The following FNIP1 variants were observed in gnomAD, a reference collection of about 807,000 sequenced individuals.
FNIP1 encodes the protein folliculin interacting protein 1, also known as folliculin-interacting protein 1.
FNIP1 carries 40 observed loss-of-function variants against 124.5 expected under a neutral mutation model. The ratio of observed to expected loss-of-function variants is 0.32; its 90% CI spans 0.25 to 0.42. The LOEUF is 0.42. FNIP1 is among the 10% of genes least tolerant of loss of function. FNIP1 has a pLI of 1.00. For missense variants in FNIP1, 1,176 were observed against 1,403.7 expected, an observed-to-expected ratio of 0.84 and a Z score of 2.59; for synonymous variants, 472 against 470.6, an observed-to-expected ratio of 1.00 and a Z score of -0.04.
At chr5:131,684,358 T>C (rs1437726435) in intron 11 of FNIP1, among the ~76,000 whole-genome samples, 6 of 152,200 alleles carry the variant, frequency 3.9e-5, no homozygotes, top group Non-Finnish European at 7.3e-5. Context: ...AGCAAGTGGG[T>C]GAATTCTAAA....
At chr5:131,645,907 T>C (rs1024661957) in intron 17 of FNIP1, among the ~76,000 whole-genome samples, 1 of 152,198 alleles carries the variant, frequency 6.6e-6, no homozygotes, top group Non-Finnish European at 1.5e-5. Context: ...TTAAATAATA[T>C]TCATTTAAAA....
At chr5:131,646,588 C>T (rs937803069) in intron 17 of FNIP1, among the ~76,000 whole-genome samples, 2 of 151,976 alleles carry the variant, frequency 1.3e-5, no homozygotes, top group South Asian at 2.1e-4. Flanking sequence ...CTATATTATG[C>T]CCCCCCTACC....
chr5:131,741,331 C>T (rs1457528412), intron 2 of FNIP1, among the ~76,000 whole-genome samples: 1 of 152,126 alleles, frequency 6.6e-6, no homozygotes, highest in Non-Finnish European at 1.5e-5. Context: ...AAGCTATACA[C>T]TGATTAACAA....
At chr5:131,679,557 A>G (rs1768010954) in intron 11 of FNIP1, among the ~76,000 whole-genome samples, 2 of 152,244 alleles carry the variant, frequency 1.3e-5, no homozygotes, top group African/African-American at 4.8e-5. Flanking sequence ...CTACATGTAC[A>G]AAAAGAAAAT....
intron 11 of FNIP1, among the ~76,000 whole-genome samples, chr5:131,693,349 T>TATATATAC (rs1768576491): frequency 2.4e-5 from 3 of 126,064 alleles, no homozygotes; most frequent in Non-Finnish European, 3.2e-5. Flanking sequence ...TATATATATA[T>TATATATAC]ATATATATAT....
At chr5:131,721,244 C>T (rs1367790378) in intron 3 of FNIP1, among the ~76,000 whole-genome samples, 1 of 151,846 alleles carries the variant, frequency 6.6e-6, no homozygotes, top group Non-Finnish European at 1.5e-5. Context: ...ATAAATACTG[C>T]ATGATAAGAT....
chr5:131,679,520 G>C (rs532921279), intron 11 of FNIP1, among the ~76,000 whole-genome samples: 1 of 152,248 alleles, frequency 6.6e-6, no homozygotes, highest in African/African-American at 2.4e-5. Flanking sequence ...GGGGTATGCT[G>C]TACTTAAATA....
intron 1 of FNIP1, among the ~76,000 whole-genome samples, chr5:131,775,762 A>C (rs1349003253): frequency 2.0e-5 from 3 of 152,034 alleles, no homozygotes; most frequent in Non-Finnish European, 4.4e-5. Flanking sequence ...TCCTCACCTC[A>C]GGTGATCCGC....
intron 1 of FNIP1, among the ~76,000 whole-genome samples, chr5:131,780,190 A>G (rs1297207430): frequency 6.6e-6 from 1 of 152,216 alleles, no homozygotes; most frequent in African/African-American, 2.4e-5. Flanking sequence ...ACAGGAAAAT[A>G]TCAAATGTAG....
At chr5:131,782,339 A>G (rs940396938) in intron 1 of FNIP1, among the ~76,000 whole-genome samples, 1 of 152,088 alleles carries the variant, frequency 6.6e-6, no homozygotes, top group Non-Finnish European at 1.5e-5. Flanking sequence ...TCTTGAGCCC[A>G]GGAGTTCGAG....
intron 15 of FNIP1, among the ~76,000 whole-genome samples, chr5:131,653,308 T>C (rs1169701202): frequency 1.3e-5 from 2 of 151,858 alleles, no homozygotes; most frequent in African/African-American, 4.8e-5. Flanking sequence ...GAGGCCAAGG[T>C]GGACCGATCA....
rs373780024 is a variant in FNIP1 at position 131,785,176 on chromosome 5, A to AG, written c.92+11653_92+11654insC. ...ATATGATATATATGACTATATATATATCATATATATGATATATATGACTAT... is the reference window on the plus strand; with the variant it reads ...ATATGATATATATGACTATATATATAGTCATATATATGATATATATGACTAT... On this transcript the variant is annotated intron_variant, in intron 1 of 17. Transcript: ENST00000510461. 6.0e-3 allele frequency among the ~76,000 whole-genome samples: 516 copies of AG among 86,422 alleles called. 4 individuals are homozygous for AG. Among genetic ancestry groups the AG allele is most frequent in the African/African-American group, 0.012 (246 of 20,996 alleles). The allele number at this position is 86,422 out of a possible 152,430, so 56.7% of individuals were successfully genotyped here. A position where few individuals can be genotyped will look rare whatever the true frequency, so the allele number is the denominator to read the frequency against.
At chr5:131,724,682 T>G (rs940272528) in intron 3 of FNIP1, among the ~76,000 whole-genome samples, 53 of 152,352 alleles carry the variant, frequency 3.5e-4, no homozygotes, top group African/African-American at 1.3e-3. Flanking sequence ...GATAGTTTCT[T>G]TTGCTGTGCA....
intron 1 of FNIP1, among the ~76,000 whole-genome samples, chr5:131,753,946 TG>T (rs1770963534): frequency 6.6e-6 from 1 of 152,150 alleles, no homozygotes; most frequent in African/African-American, 2.4e-5. Context: ...CCTGAGTAGC[TG>T]GGACTACAGG....
At chr5:131,773,406 C>A (rs1008805530) in intron 1 of FNIP1, among the ~76,000 whole-genome samples, 1 of 152,194 alleles carries the variant, frequency 6.6e-6, no homozygotes, top group African/African-American at 2.4e-5. Flanking sequence ...CTGACCCACA[C>A]AGATCTGTGG....
In FNIP1 at chr5:131,744,660, C is replaced by G. The variant is rs977169855; in HGVS notation, c.123G>C (p.Gln41His). The change falls in exon 2 of 18, where the codon CAG becomes CAC. Residue 41 changes from glutamine (Q) to histidine (H), a missense_variant. By Grantham distance (24) the Gln-to-His change is conservative. Coordinates refer to ENST00000510461, the MANE Select transcript of FNIP1 (RefSeq NM_133372.3). ...AGTCTTGATATACAATCAGTCGAAT[C>G]TGGCTTGGATCAAACTCTGGTAAAG... ...SWPLPEFDPS[Q>H]IRLIVYQDCE... 6 of 1,610,440 alleles carry G rather than the reference C, an allele frequency of 3.7e-6. No homozygotes were observed. The highest frequency in any genetic ancestry group is 5.1e-6 in the Non-Finnish European group (6 of 1,178,318).
At chr5:131,730,510 G>A (rs1277441025) in intron 3 of FNIP1, among the ~76,000 whole-genome samples, 1 of 152,044 alleles carries the variant, frequency 6.6e-6, no homozygotes. Context: ...TATTTTACAA[G>A]AAGTCACATT....
intron 1 of FNIP1, among the ~76,000 whole-genome samples, chr5:131,785,759 A>G (rs1266121826): frequency 6.6e-6 from 1 of 152,172 alleles, no homozygotes; most frequent in African/African-American, 2.4e-5. Context: ...AGTCTCAGCT[A>G]CTTGGGAGGC....
intron 13 of FNIP1, among the ~76,000 whole-genome samples, chr5:131,676,234 C>T (rs1051449131): frequency 3.9e-5 from 6 of 152,076 alleles, no homozygotes; most frequent in African/African-American, 1.4e-4. Flanking sequence ...AGGATGGTCT[C>T]GATCTCCTGC....
Sources: gnomAD v4.1 joint callset for allele counts (sites outside exome capture counted in the v4.1 genomes callset) on GRCh38, gnomAD v4.1.1 for gene constraint, MANE v1.5 for transcripts, NCBI Gene and HGNC (gene_info 2026-07-23, HGNC 2026-07-21) for gene names.